Variants in NLGN1 observed in about 807,000 individuals in gnomAD.
NLGN1 encodes the protein neuroligin 1.
A neutral mutation model predicts 65.5 loss-of-function variants in NLGN1; 12 were observed. The ratio of observed to expected loss-of-function variants is 0.18; its 90% CI spans 0.12 to 0.30. The LOEUF is 0.30. Ranked by LOEUF, NLGN1 falls within the 10% of genes least tolerant of loss-of-function variation. The pLI is 1.00. For missense variants in NLGN1, 750 were observed against 1,007.1 expected, an observed-to-expected ratio of 0.74 and a Z score of 3.46; for synonymous variants, 350 against 359.5, an observed-to-expected ratio of 0.97 and a Z score of 0.30.
chr3:173,995,861 T>G (rs187219072), intron 4 of NLGN1, among the ~76,000 whole-genome samples: 27 of 151,962 alleles, frequency 1.8e-4, no homozygotes, highest in African/African-American at 5.8e-4. Flanking sequence ...AATTTTTAAA[T>G]TTTTTGTAGA....
intron 3 of NLGN1, among the ~76,000 whole-genome samples, chr3:173,754,012 T>A (rs1776709367): frequency 7.6e-6 from 1 of 132,004 alleles, no homozygotes; most frequent in Non-Finnish European, 1.6e-5. Context: ...TTTTTCTTTA[T>A]TTCTTTCTTT....
chr3:173,683,689 A>G (rs1764285062), intron 3 of NLGN1, among the ~76,000 whole-genome samples: 1 of 152,200 alleles, frequency 6.6e-6, no homozygotes, highest in Non-Finnish European at 1.5e-5. Flanking sequence ...TAATTAAAAC[A>G]CAAGTAATTC....
chr3:174,029,759 C>A (rs1729567456), intron 4 of NLGN1, among the ~76,000 whole-genome samples: 3 of 152,058 alleles, frequency 2.0e-5, no homozygotes, highest in African/African-American at 4.8e-5. Context: ...AGTGGTTTCC[C>A]CCATGCTGTT....
chr3:174,059,141 A>C (rs966886438), intron 4 of NLGN1, among the ~76,000 whole-genome samples: 5 of 152,118 alleles, frequency 3.3e-5, no homozygotes, highest in African/African-American at 1.2e-4. Flanking sequence ...TCACTACCAA[A>C]GCTGCCAGCC....
chr3:174,004,758 T>C (rs1022692894), intron 4 of NLGN1, among the ~76,000 whole-genome samples: 7 of 152,138 alleles, frequency 4.6e-5, no homozygotes, highest in African/African-American at 1.7e-4. Context: ...CAGATTAGCA[T>C]CTATTGTTTA....
intron 4 of NLGN1, among the ~76,000 whole-genome samples, chr3:174,191,099 A>T (rs1408062862): frequency 6.6e-6 from 1 of 152,118 alleles, no homozygotes; most frequent in Non-Finnish European, 1.5e-5. Context: ...ATAGGATAAA[A>T]ATGACAAGCA....
chr3:174,182,322 T>A (rs981465435), intron 4 of NLGN1, among the ~76,000 whole-genome samples: 10 of 152,270 alleles, frequency 6.6e-5, no homozygotes, highest in Admixed American at 3.3e-4. Flanking sequence ...ACACTCCCTA[T>A]TTTGAAAATA....
intron 4 of NLGN1, among the ~76,000 whole-genome samples, chr3:174,151,228 C>T (rs1355742302): frequency 6.6e-6 from 1 of 151,848 alleles, no homozygotes. Context: ...CCTCACTTAC[C>T]CTCACTTTTA....
intron 2 of NLGN1, among the ~76,000 whole-genome samples, chr3:173,516,995 T>C (rs1221303475): frequency 6.6e-6 from 1 of 152,096 alleles, no homozygotes; most frequent in African/African-American, 2.4e-5. Flanking sequence ...CTTAATGTAT[T>C]ACCATTCTAT....
chr3:174,101,393 T>A (rs918649814), intron 4 of NLGN1, among the ~76,000 whole-genome samples: 1 of 152,164 alleles, frequency 6.6e-6, no homozygotes, highest in Non-Finnish European at 1.5e-5. Context: ...ACTGGAACAG[T>A]AGCTTTCAGG....
intron 4 of NLGN1, among the ~76,000 whole-genome samples, chr3:173,872,175 C>T (rs952630638): frequency 6.6e-6 from 1 of 152,144 alleles, no homozygotes; most frequent in Non-Finnish European, 1.5e-5. Flanking sequence ...AACGAAATTC[C>T]GTGGTAAATG....
At chr3:173,700,642 T>C (rs1304866436) in intron 3 of NLGN1, among the ~76,000 whole-genome samples, 2 of 152,244 alleles carry the variant, frequency 1.3e-5, no homozygotes, top group Non-Finnish European at 1.5e-5. Context: ...AACCTGCATT[T>C]GTGTTTCTCA....
At chr3:173,664,184 T>C (rs974073354) in intron 3 of NLGN1, among the ~76,000 whole-genome samples, 7 of 152,028 alleles carry the variant, frequency 4.6e-5, no homozygotes, top group Non-Finnish European at 1.0e-4. Context: ...TTCTGAATAA[T>C]AAAAATCATA....
chr3:174,105,387 A>T (rs1713489682), intron 4 of NLGN1, among the ~76,000 whole-genome samples: 1 of 151,934 alleles, frequency 6.6e-6, no homozygotes. Flanking sequence ...AAACTACAAA[A>T]ATTAGCCAGG....
chr3:173,677,062 C>T (rs1385079766), intron 3 of NLGN1, among the ~76,000 whole-genome samples: 2 of 152,102 alleles, frequency 1.3e-5, no homozygotes, highest in South Asian at 4.1e-4. Context: ...AGAATAGAGT[C>T]AGAAATGAAA....
At chr3:173,820,443 A>G (rs921538938) in intron 4 of NLGN1, among the ~76,000 whole-genome samples, 2 of 152,154 alleles carry the variant, frequency 1.3e-5, no homozygotes, top group Non-Finnish European at 2.9e-5. Flanking sequence ...TAGTGTTGAA[A>G]TGCTACTTTT....
intron 4 of NLGN1, among the ~76,000 whole-genome samples, chr3:173,822,925 A>G (rs1312594205): frequency 1.3e-5 from 2 of 151,784 alleles, no homozygotes; most frequent in Admixed American, 6.6e-5. Context: ...CAGTCTTTAT[A>G]TAATAGTTTT....
At chr3:174,160,749 T>C (rs1726338497) in intron 4 of NLGN1, among the ~76,000 whole-genome samples, 1 of 151,518 alleles carries the variant, frequency 6.6e-6, no homozygotes, top group Non-Finnish European at 1.5e-5. Flanking sequence ...ATAATAGTTT[T>C]ATTCATCCCC....
intron 4 of NLGN1, among the ~76,000 whole-genome samples, chr3:174,085,382 G>A (rs73186513): frequency 0.14 from 21,182 of 151,832 alleles, 1,718 homozygotes; most frequent in African/African-American, 0.22. Context: ...TTATAAAATC[G>A]TATCCTCATA....
Sources: gnomAD v4.1 joint callset for allele counts (sites outside exome capture counted in the v4.1 genomes callset) on GRCh38, gnomAD v4.1.1 for gene constraint, MANE v1.5 for transcripts, NCBI Gene and HGNC (gene_info 2026-07-23, HGNC 2026-07-21) for gene names.